Variants in DNM3 observed in about 807,000 individuals in gnomAD.
DNM3 encodes dynamin-3.
A neutral mutation model predicts 101.6 loss-of-function variants in DNM3; 47 were observed. That is an observed-to-expected ratio of 0.46 (90% CI 0.37 to 0.59). The LOEUF (loss-of-function observed/expected upper bound fraction) is 0.59, where lower values mean the gene tolerates loss of function less well. DNM3 is among the 20% of genes least tolerant of loss of function. The pLI is 0.00. For synonymous variants in DNM3, 385 were observed against 387.9 expected (o/e 0.99, Z 0.09); for missense variants, 849 against 1,085.7 (o/e 0.78, Z 3.06).
At chr1:171,915,971 C>T (rs1410905294) in intron 1 of DNM3, among the ~76,000 whole-genome samples, 1 of 152,198 alleles carries the variant, frequency 6.6e-6, no homozygotes, top group Non-Finnish European at 1.5e-5. Context: ...CAACTTCCTG[C>T]TCTGTTGCTC....
intron 14 of DNM3, chr1:172,133,429 T>C: frequency 3.0e-6 from 3 of 985,716 alleles, no homozygotes; most frequent in Non-Finnish European, 2.4e-6. Flanking sequence ...GTGTGCTGTG[T>C]ATAACCAAGG....
chr1:172,354,108 T>TGAGAGAGAGAGAGAGAGAGA (rs1181407960), intron 17 of DNM3, among the ~76,000 whole-genome samples: 15 of 30,820 alleles, frequency 4.9e-4, no homozygotes, highest in Non-Finnish European at 1.2e-3. Context: ...TGTGTGTGTG[T>TGAGAGAGAGAGAGAGAGAGA]GTGTGAGAGA....
chr1:172,146,051 G>A (rs1489638847), intron 14 of DNM3, among the ~76,000 whole-genome samples: 2 of 152,110 alleles, frequency 1.3e-5, no homozygotes, highest in African/African-American at 4.8e-5. Context: ...CCCTTCTGAA[G>A]ATCAAAATGT....
chr1:172,385,709 T>C (rs2069142307), intron 18 of DNM3, among the ~76,000 whole-genome samples: 1 of 152,218 alleles, frequency 6.6e-6, no homozygotes, highest in African/African-American at 2.4e-5. Flanking sequence ...TCCTAGAAAT[T>C]TGGAGCATCT....
intron 17 of DNM3, among the ~76,000 whole-genome samples, chr1:172,336,966 G>A (rs1217896998): frequency 6.6e-6 from 1 of 152,204 alleles, no homozygotes; most frequent in Non-Finnish European, 1.5e-5. Context: ...AATAGTGCAA[G>A]GAACAAACTT....
chr1:172,062,128 A>C (rs1323033195), intron 10 of DNM3, among the ~76,000 whole-genome samples: 1 of 152,134 alleles, frequency 6.6e-6, no homozygotes. Flanking sequence ...TTGGTTCTTA[A>C]TTTATAATTT....
chr1:172,332,455 G>T (rs2066230276), intron 17 of DNM3, among the ~76,000 whole-genome samples: 1 of 152,102 alleles, frequency 6.6e-6, no homozygotes, highest in African/African-American at 2.4e-5. Flanking sequence ...GACTACAGGT[G>T]CATGCTGCCA....
intron 4 of DNM3, among the ~76,000 whole-genome samples, chr1:172,020,773 T>G (rs1057393594): frequency 3.3e-5 from 5 of 151,250 alleles, no homozygotes; most frequent in Middle Eastern, 6.8e-3. Context: ...TATTTCCAGT[T>G]GATCACTTTC....
At chr1:172,279,278 C>A (rs763875588) in intron 15 of DNM3, among the ~76,000 whole-genome samples, 3 of 152,062 alleles carry the variant, frequency 2.0e-5, no homozygotes, top group Non-Finnish European at 4.4e-5. Context: ...GGATAGTGGA[C>A]TATTGTACCC....
At chr1:172,392,167 G>C (rs750218121) in intron 20 of DNM3, among the ~76,000 whole-genome samples, 1 of 152,208 alleles carries the variant, frequency 6.6e-6, no homozygotes, top group Non-Finnish European at 1.5e-5. Context: ...TATGTGCATG[G>C]AGCCTTTCAG....
chr1:172,308,097 T>C (rs1438935291), intron 15 of DNM3, among the ~76,000 whole-genome samples: 1 of 152,196 alleles, frequency 6.6e-6, no homozygotes, highest in East Asian at 1.9e-4. Flanking sequence ...TGTTACCACT[T>C]TAATTCTTTT....
intron 14 of DNM3, among the ~76,000 whole-genome samples, chr1:172,239,459 T>A (rs1463122069): frequency 6.6e-6 from 1 of 152,170 alleles, no homozygotes; most frequent in Non-Finnish European, 1.5e-5. Flanking sequence ...CTCTGAGGCA[T>A]GAATTATCAC....
At chr1:172,193,824 T>G (rs145221923) in intron 14 of DNM3, among the ~76,000 whole-genome samples, 1 of 152,158 alleles carries the variant, frequency 6.6e-6, no homozygotes, top group Admixed American at 6.5e-5. Flanking sequence ...CCTGGATTCA[T>G]TGATTTTTTG....
intron 1 of DNM3, among the ~76,000 whole-genome samples, chr1:171,878,960 G>T (rs574673417): frequency 6.6e-6 from 1 of 152,108 alleles, no homozygotes; most frequent in Non-Finnish European, 1.5e-5. Flanking sequence ...CCAACCTGTA[G>T]AAATTTCCTA....
At chr1:172,182,286 G>A (rs925960036) in intron 14 of DNM3, among the ~76,000 whole-genome samples, 3 of 151,858 alleles carry the variant, frequency 2.0e-5, no homozygotes, top group African/African-American at 4.8e-5. Flanking sequence ...GCATAAAAAT[G>A]GAGATAATAA....
intron 10 of DNM3, among the ~76,000 whole-genome samples, chr1:172,056,905 G>C (rs1159643803): frequency 6.6e-6 from 1 of 152,076 alleles, no homozygotes; most frequent in Non-Finnish European, 1.5e-5. Flanking sequence ...TGAGCTACGG[G>C]AGGACATTCA....
At chr1:172,210,788 C>T (rs974293091) in intron 14 of DNM3, among the ~76,000 whole-genome samples, 4 of 151,946 alleles carry the variant, frequency 2.6e-5, no homozygotes, top group African/African-American at 4.8e-5. Flanking sequence ...GTGGAAAATC[C>T]GAGGCTTCAA....
At chr1:171,877,032 T>A (rs2035849661) in intron 1 of DNM3, among the ~76,000 whole-genome samples, 1 of 152,206 alleles carries the variant, frequency 6.6e-6, no homozygotes, top group African/African-American at 2.4e-5. Flanking sequence ...TGGGCCCACA[T>A]TATTTTTTCT....
intron 13 of DNM3, among the ~76,000 whole-genome samples, chr1:172,122,015 C>T (rs1264931733): frequency 6.6e-6 from 1 of 152,062 alleles, no homozygotes; most frequent in Non-Finnish European, 1.5e-5. Flanking sequence ...TACTAGGTTG[C>T]TTATAATCTG....
Sources: gnomAD v4.1 joint callset for allele counts (sites outside exome capture counted in the v4.1 genomes callset) on GRCh38, gnomAD v4.1.1 for gene constraint, MANE v1.5 for transcripts, NCBI Gene and HGNC (gene_info 2026-07-23, HGNC 2026-07-21) for gene names.